KLF12: variants seen among roughly 807,000 people sequenced by gnomAD.
The protein encoded by KLF12 is Krueppel-like factor 12.
KLF12 carries 9 observed loss-of-function variants against 37.8 expected under a neutral mutation model. The observed-to-expected ratio is 0.24, with a 90% confidence interval of 0.14 to 0.42. KLF12 has a LOEUF of 0.42. Ranked by LOEUF, KLF12 falls within the 10% of genes least tolerant of loss-of-function variation. The pLI is 1.00. For missense variants in KLF12, 411 were observed against 516.0 expected (o/e 0.80, Z 1.97); for synonymous variants, 208 against 202.1 (o/e 1.03, Z -0.25).
At chr13:74,244,064 T>C in the KLF12 span, among the ~76,000 whole-genome samples, 1 of 152,244 alleles carries the variant, frequency 6.6e-6, no homozygotes, top group Non-Finnish European at 1.5e-5. Flanking sequence ...ATTATCACAG[T>C]TCCTGCTGTG....
chr13:73,870,342 T>C (rs1250255081), intron 3 of KLF12, among the ~76,000 whole-genome samples: 3 of 152,228 alleles, frequency 2.0e-5, no homozygotes, highest in East Asian at 1.9e-4. Context: ...ATTTTACTTA[T>C]ATGATTTGGG....
intron 6 of KLF12, among the ~76,000 whole-genome samples, chr13:73,735,674 T>G (rs957189015): frequency 1.9e-4 from 29 of 152,012 alleles, no homozygotes; most frequent in South Asian, 2.1e-4. Context: ...TCTGGAGGAG[T>G]TGAGGAAAAG....
At chr13:74,002,777 T>A (rs1212911207) in intron 1 of KLF12, among the ~76,000 whole-genome samples, 2 of 152,202 alleles carry the variant, frequency 1.3e-5, no homozygotes, top group African/African-American at 4.8e-5. Context: ...GTAATAAAAG[T>A]CACTGATTTA....
intron 6 of KLF12, among the ~76,000 whole-genome samples, chr13:73,732,332 C>G (rs1466541317): frequency 1.3e-5 from 2 of 151,974 alleles, no homozygotes; most frequent in Non-Finnish European, 2.9e-5. Context: ...TCAGGTGATC[C>G]ATCCACCTCG....
chr13:73,897,262 A>G (rs1246966269), intron 3 of KLF12, among the ~76,000 whole-genome samples: 2 of 152,248 alleles, frequency 1.3e-5, no homozygotes, highest in African/African-American at 2.4e-5. Flanking sequence ...ACTACAGCTC[A>G]GTATGAGTGC....
chr13:74,296,348 G>T, the KLF12 span, among the ~76,000 whole-genome samples: 2 of 152,010 alleles, frequency 1.3e-5, no homozygotes, highest in Admixed American at 1.3e-4. Flanking sequence ...TGACTCCAAG[G>T]TTTATCTTCT....
the KLF12 span, among the ~76,000 whole-genome samples, chr13:74,152,307 T>C: frequency 6.6e-6 from 1 of 152,330 alleles, no homozygotes; most frequent in South Asian, 2.1e-4. Context: ...TTATATAACT[T>C]AGGGTCCACA....
the KLF12 span, among the ~76,000 whole-genome samples, chr13:74,268,612 AT>A: frequency 6.6e-6 from 1 of 152,090 alleles, no homozygotes; most frequent in Admixed American, 6.6e-5. Flanking sequence ...TCCTTATGAG[AT>A]TGGAACTCCT....
intron 5 of KLF12, among the ~76,000 whole-genome samples, chr13:73,771,373 A>C (rs1224075553): frequency 6.6e-6 from 1 of 152,226 alleles, no homozygotes; most frequent in African/African-American, 2.4e-5. Context: ...ACTAAACTAC[A>C]ACTTCCAGGA....
the KLF12 span, among the ~76,000 whole-genome samples, chr13:74,222,636 C>A: frequency 4.6e-5 from 7 of 152,246 alleles, no homozygotes; most frequent in South Asian, 1.5e-3. Context: ...CTGAAACAGT[C>A]ATAATAGAAT....
intron 1 of KLF12, among the ~76,000 whole-genome samples, chr13:74,121,382 C>T (rs540460858): frequency 2.0e-5 from 3 of 151,874 alleles, no homozygotes; most frequent in East Asian, 1.9e-4. Context: ...CATTATACGA[C>T]GTTATGAATA....
chr13:74,268,447 C>G, the KLF12 span, among the ~76,000 whole-genome samples: 7 of 152,176 alleles, frequency 4.6e-5, no homozygotes, highest in Non-Finnish European at 1.0e-4. Flanking sequence ...ATTTCTCTGG[C>G]CATGAAATTG....
chr13:73,812,175 T>A (rs571210720), intron 5 of KLF12, among the ~76,000 whole-genome samples: 5 of 152,246 alleles, frequency 3.3e-5, no homozygotes, highest in Non-Finnish European at 7.4e-5. Context: ...GAAGATTTTT[T>A]AAAAAGTTGA....
chr13:73,803,859 A>G (rs1882421635), intron 5 of KLF12, among the ~76,000 whole-genome samples: 1 of 151,952 alleles, frequency 6.6e-6, no homozygotes, highest in South Asian at 2.1e-4. Flanking sequence ...GAGGTTGTGG[A>G]CACCTAAGTA....
chr13:73,735,846 G>C (rs1457704103), intron 6 of KLF12, among the ~76,000 whole-genome samples: 1 of 152,100 alleles, frequency 6.6e-6, no homozygotes, highest in Non-Finnish European at 1.5e-5. Flanking sequence ...GGAGAGTCAA[G>C]GGTGCACAGT....
intron 1 of KLF12, among the ~76,000 whole-genome samples, chr13:74,124,599 C>T (rs1038097115): frequency 3.9e-5 from 6 of 152,130 alleles, no homozygotes; most frequent in Non-Finnish European, 5.9e-5. Context: ...CATCAGTCAA[C>T]TTTCTTTGCT....
intron 1 of KLF12, among the ~76,000 whole-genome samples, chr13:74,013,853 C>CTT (rs752776960): frequency 1.4e-5 from 2 of 143,900 alleles, no homozygotes; most frequent in South Asian, 2.2e-4. Context: ...TTCTTCTTTT[C>CTT]TTTTTTTTTT....
chr13:73,772,471 T>A (rs1336392440), intron 5 of KLF12, among the ~76,000 whole-genome samples: 4 of 152,300 alleles, frequency 2.6e-5, no homozygotes, highest in East Asian at 3.9e-4. Context: ...GGAGTTTCCG[T>A]AGGACAATGA....
the KLF12 span, among the ~76,000 whole-genome samples, chr13:74,303,915 TA>T: frequency 6.6e-6 from 1 of 152,108 alleles, no homozygotes; most frequent in Non-Finnish European, 1.5e-5. Flanking sequence ...ATGTTCCCTT[TA>T]AAACATTGTT....
Sources: allele counts gnomAD v4.1 joint callset (sites outside exome capture counted in the v4.1 genomes callset), GRCh38; gene constraint gnomAD v4.1.1; transcripts MANE v1.5; gene names NCBI Gene and HGNC (gene_info 2026-07-23, HGNC 2026-07-21).